MBLAC2: variants seen among roughly 807,000 people sequenced by gnomAD.
MBLAC2 encodes the protein acyl-coenzyme A thioesterase MBLAC2.
MBLAC2 carries 24 observed loss-of-function variants against 23.3 expected under a neutral mutation model. That is an observed-to-expected ratio of 1.03 (90% CI 0.75 to 1.45). MBLAC2 has a LOEUF of 1.45. MBLAC2 is among the 40% of genes most tolerant of loss of function. The probability of loss-of-function intolerance (pLI) is 0.00; values close to 1 mark genes in which losing one functional copy is unlikely to be tolerated. For synonymous variants in MBLAC2, 162 were observed against 150.9 expected, an observed-to-expected ratio of 1.07 and a Z score of -0.54; for missense variants, 358 against 370.0, an observed-to-expected ratio of 0.97 and a Z score of 0.27.
In MBLAC2 at chr5:90,474,438, G is replaced by C. The variant is rs976784843; in HGVS notation, c.-146C>G. On this transcript the variant is annotated 5_prime_UTR_variant, in exon 1 of 2. Transcript: ENST00000316610. The stretch of plus-strand genomic sequence containing the variant: ...GAGCGAGGCGGGGGCGTGGGATGCG[G>C]GGGTCGGAATAGGAGGAGGAAGGAC... The C allele has an allele frequency of 1.1e-5, 8 of 729,082 alleles. No individual in the cohort carries two copies. The African/African-American group carries it at 1.4e-4, about 13-fold the overall frequency. 45.2% of individuals were successfully genotyped at this position (729,082 alleles called of 1,614,324 possible).
chr5:90,462,757 C>T (rs745492567), intron 1 of MBLAC2, among the ~76,000 whole-genome samples: 6 of 151,934 alleles, frequency 3.9e-5, no homozygotes, highest in Non-Finnish European at 5.9e-5. Context: ...AAACAATAAA[C>T]AATTCAACAA....
chr5:90,463,369 G>C (rs964714166), intron 1 of MBLAC2, among the ~76,000 whole-genome samples: 2 of 152,202 alleles, frequency 1.3e-5, no homozygotes, highest in African/African-American at 2.4e-5. Flanking sequence ...GGGATTGCAG[G>C]CATGAGCTAC....
intron 1 of MBLAC2, chr5:90,473,474 C>G: frequency 1.7e-6 from 1 of 577,636 alleles, no homozygotes; most frequent in South Asian, 2.2e-5. Context: ...ACTACGAAAG[C>G]TCCTGGAAAT....
At position 90,461,515 on chromosome 5, in the gene MBLAC2, AAC is replaced by A. The variant is rs756221486; in HGVS notation, c.490_491del (p.Val164TyrfsTer15). On this transcript the variant is annotated frameshift_variant, in exon 2 of 2. Transcript: ENST00000316610. LOFTEE classifies it high-confidence loss of function. The part of the protein sequence containing the change: ...VINLGDRQLT[V>X]MHMPGHSRGS... ...CCCTGGAGTGACCTGGCATGTGCATAACAGTGAGCTGTCTGTCACCAAGGTTG... is the reference window on the plus strand; with the variant it reads ...CCCTGGAGTGACCTGGCATGTGCATAAGTGAGCTGTCTGTCACCAAGGTTG... 58 of 1,613,082 alleles carry A rather than the reference AAC, an allele frequency of 3.6e-5. No homozygotes were observed. The highest frequency in any genetic ancestry group is 2.1e-5 in the Non-Finnish European group (25 of 1,179,562).
intron 1 of MBLAC2, among the ~76,000 whole-genome samples, chr5:90,467,528 TC>T (rs1296549459): frequency 6.6e-6 from 1 of 152,196 alleles, no homozygotes; most frequent in African/African-American, 2.4e-5. Flanking sequence ...GCATGGAAAA[TC>T]TTTCTCTACC....
In MBLAC2 at chr5:90,460,474, T is replaced by C. The variant is rs1048587910; in HGVS notation, c.*693A>G. ...AGACATTTGCATTTCACTTTCATAA[T>C]TGAAAATATTACCTACACAATAACA... is the stretch of plus-strand genomic sequence containing the variant. On this transcript the variant is annotated 3_prime_UTR_variant, in exon 2 of 2. Coordinates refer to ENST00000316610, the MANE Select transcript of MBLAC2 (RefSeq NM_203406.2). 1.3e-5 allele frequency: 2 copies of C among 152,694 alleles called. No individual in the cohort carries two copies. The highest frequency in any genetic ancestry group is 2.4e-5 in the African/African-American group (1 of 41,572). 9.5% of individuals were successfully genotyped at this position (152,694 alleles called of 1,614,324 possible).
chr5:90,458,438 A>G lies in MBLAC2; in HGVS notation c.*2729T>C, dbSNP rs1345394130. ...CAGTGATTAAGTATTAACAATATAA[A>G]TAATAAAAATTACTTCTAAATGTCT... On this transcript the variant is annotated 3_prime_UTR_variant, in exon 2 of 2. Coordinates refer to ENST00000316610, the MANE Select transcript of MBLAC2 (RefSeq NM_203406.2). The G allele has an allele frequency of 1.3e-5, 2 of 152,220 alleles. No homozygotes were observed. The highest frequency in any genetic ancestry group is 2.9e-5 in the Non-Finnish European group (2 of 68,016). 9.4% of individuals were successfully genotyped at this position (152,220 alleles called of 1,614,324 possible).
Position 90,458,748 on chromosome 5 carries a change from C to T in MBLAC2, c.*2419G>A, listed in dbSNP as rs1051535642. 2 of 152,074 alleles carry T rather than the reference C, an allele frequency of 1.3e-5. No homozygotes were observed. Among genetic ancestry groups the T allele is most frequent in the Non-Finnish European group, 2.9e-5 (2 of 68,004 alleles). 9.4% of individuals were successfully genotyped at this position (152,074 alleles called of 1,614,324 possible). A position where few individuals can be genotyped will look rare whatever the true frequency, so the allele number is the denominator to read the frequency against. Reference sequence around the variant, plus strand: ...AGCTTTGTCCAAAATTGTGTTGAGGCTGGTCAATTACCTTTTGGTGCTGGG... The same window carrying T: ...AGCTTTGTCCAAAATTGTGTTGAGGTTGGTCAATTACCTTTTGGTGCTGGG... On this transcript the variant is annotated 3_prime_UTR_variant, in exon 2 of 2. Coordinates refer to ENST00000316610, the MANE Select transcript of MBLAC2 (RefSeq NM_203406.2).
In MBLAC2 at chr5:90,474,216, G is replaced by T. The variant is rs183138268; in HGVS notation, c.77C>A (p.Ser26Ter). 1.3e-5 allele frequency: 21 copies of T among 1,612,840 alleles called. No individual in the cohort carries two copies. In the East Asian group the frequency reaches 4.7e-4, roughly 36 times the overall value. ...IFWIQERFYE[S>*]GNRANIWLVR... Reference sequence around the variant, plus strand: ...CAGCCAGATGTTGGCACGGTTGCCCGACTCGTAGAAACGTTCTTGAATCCA... The same window carrying T: ...CAGCCAGATGTTGGCACGGTTGCCCTACTCGTAGAAACGTTCTTGAATCCA... Residue 26 changes from serine to a stop codon, truncating the protein, a stop_gained, in exon 1 of 2, where the codon TCG (serine) becomes TAG (stop). Transcript: ENST00000316610. LOFTEE classifies it high-confidence loss of function.
intron 1 of MBLAC2, chr5:90,473,536 C>T: frequency 1.6e-6 from 1 of 616,786 alleles, no homozygotes; most frequent in Non-Finnish European, 2.9e-6. Context: ...AGTCACAAGT[C>T]TTTGTAGTGT....
chr5:90,474,160 C>G lies in MBLAC2; in HGVS notation c.133G>C (p.Asp45His). The G allele has an allele frequency of 6.3e-7, 1 of 1,599,112 alleles. No individual in the cohort carries two copies. The highest frequency in any genetic ancestry group is 1.1e-5 in the South Asian group (1 of 88,998). The change falls in exon 1 of 2, where the codon GAT becomes CAT. Residue 45 changes from aspartate (D) to histidine (H), a missense_variant. Transcript: ENST00000316610. ...VRGSEQDVVIDTGLGLRSLPE... is the reference protein window; with the variant it reads ...VRGSEQDVVIHTGLGLRSLPE... ...AGGCTGCGCAGCCCCAGGCCTGTAT[C>G]GATCACCACGTCCTGCTCGGAGCCG...
In MBLAC2 at chr5:90,460,607, T is replaced by C. The variant is rs1158895362; in HGVS notation, c.*560A>G. ...TTTTCATAAGTTATATTACATAACATGTATGCTATAATTATACAAAGAATA... is the reference window on the plus strand; with the variant it reads ...TTTTCATAAGTTATATTACATAACACGTATGCTATAATTATACAAAGAATA... On this transcript the variant is annotated 3_prime_UTR_variant, in exon 2 of 2. Transcript: ENST00000316610. The C allele has an allele frequency of 6.6e-6, 1 of 152,600 alleles. No homozygotes were observed. The highest frequency in any genetic ancestry group is 2.4e-5 in the African/African-American group (1 of 41,472). 9.5% of individuals were successfully genotyped at this position (152,600 alleles called of 1,614,324 possible). A position where few individuals can be genotyped will look rare whatever the true frequency, so the allele number is the denominator to read the frequency against.
At chr5:90,469,208 C>T (rs115698126) in intron 1 of MBLAC2, among the ~76,000 whole-genome samples, 1,785 of 152,210 alleles carry the variant, frequency 0.012, 36 homozygotes, top group African/African-American at 0.041. Context: ...TCAGGTGATC[C>T]GCCCTCCTCG....
At position 90,460,587 on chromosome 5, in the gene MBLAC2, A is replaced by G. The variant is rs1033684274; in HGVS notation, c.*580T>C. 3 of 152,612 alleles carry G rather than the reference A, an allele frequency of 2.0e-5. No homozygotes were observed. Among genetic ancestry groups the G allele is most frequent in the African/African-American group, 4.8e-5 (2 of 41,478 alleles). 9.5% of individuals were successfully genotyped at this position (152,612 alleles called of 1,614,324 possible). A position where few individuals can be genotyped will look rare whatever the true frequency, so the allele number is the denominator to read the frequency against. ...TAAAGCAAAATTCACTGTACTTTTC[A>G]TAAGTTATATTACATAACATGTATG... On this transcript the variant is annotated 3_prime_UTR_variant, in exon 2 of 2. Transcript: ENST00000316610.
chr5:90,468,541 A>G (rs937400460), intron 1 of MBLAC2, among the ~76,000 whole-genome samples: 1 of 151,966 alleles, frequency 6.6e-6, no homozygotes, highest in African/African-American at 2.4e-5. Flanking sequence ...TGATTTCCAG[A>G]TGTTGTAACT....
chr5:90,474,128 C>G lies in MBLAC2; in HGVS notation c.165G>C (p.Glu55Asp), dbSNP rs777175204. The change falls in exon 1 of 2, where the codon GAG (glutamate) becomes GAC (aspartate). Residue 55 changes from glutamate (E) to aspartate (D), a missense_variant. Physicochemically the swap from Glu to Asp is conservative, Grantham distance 45. Transcript: ENST00000316610. ...GCAAGAGGCCGGAGGAGTACAGGTA[C>G]TCCGGGAGGCTGCGCAGCCCCAGGC... ...DTGLGLRSLP[E>D]YLYSSGLLQD... 5 of 1,584,368 alleles carry G rather than the reference C, an allele frequency of 3.2e-6. No homozygotes were observed. Among genetic ancestry groups the G allele is most frequent in the South Asian group, 1.1e-5 (1 of 87,536 alleles).
intron 1 of MBLAC2, among the ~76,000 whole-genome samples, chr5:90,469,486 G>A (rs1239309352): frequency 6.8e-6 from 1 of 147,726 alleles, no homozygotes; most frequent in Non-Finnish European, 1.5e-5. Context: ...TTTTTTTGGT[G>A]AATATTGTTC....
intron 1 of MBLAC2, chr5:90,473,539 T>TGA: frequency 1.6e-6 from 1 of 618,592 alleles, no homozygotes; most frequent in Non-Finnish European, 2.8e-6. Context: ...CACAAGTCTT[T>TGA]GTAGTGTTAC....
At chr5:90,462,607 AATTG>A (rs1456663964) in intron 1 of MBLAC2, among the ~76,000 whole-genome samples, 1 of 152,114 alleles carries the variant, frequency 6.6e-6, no homozygotes, top group Non-Finnish European at 1.5e-5. Flanking sequence ...TATAAGACAA[AATTG>A]ATTTTTACAT....
Sources: allele counts gnomAD v4.1 joint callset (sites outside exome capture counted in the v4.1 genomes callset), GRCh38; gene constraint gnomAD v4.1.1; transcripts MANE v1.5; gene names NCBI Gene and HGNC (gene_info 2026-07-23, HGNC 2026-07-21).